WWOX: variants seen among roughly 807,000 people sequenced by gnomAD.
WWOX encodes the protein WW domain-containing oxidoreductase.
Under a neutral mutation model 46.2 loss-of-function variants are expected in WWOX, and 69 were observed. The ratio of observed to expected loss-of-function variants is 1.49; its 90% confidence interval spans 1.23 to 1.82. The LOEUF (loss-of-function observed/expected upper bound fraction) is 1.82, where lower values mean the gene tolerates loss of function less well. Ranked by LOEUF, WWOX falls within the 40% of genes most tolerant of loss-of-function variation. The pLI is 0.00. For missense variants in WWOX, 919 were observed against 542.6 expected (o/e 1.69, Z -6.89); for synonymous variants, 359 against 202.6 (o/e 1.77, Z -6.56).
At chr16:79,026,289 G>C (rs959042080) in intron 8 of WWOX, among the ~76,000 whole-genome samples, 2 of 151,622 alleles carry the variant, frequency 1.3e-5, no homozygotes, top group African/African-American at 4.9e-5. Flanking sequence ...ACTCCTGCCT[G>C]CCACAGGGCC....
intron 8 of WWOX, among the ~76,000 whole-genome samples, chr16:78,578,998 G>A (rs1304365010): frequency 6.6e-6 from 1 of 152,160 alleles, no homozygotes; most frequent in Non-Finnish European, 1.5e-5. Context: ...AGTAACATTA[G>A]TATTACATTA....
intron 8 of WWOX, among the ~76,000 whole-genome samples, chr16:79,046,236 C>G (rs972787244): frequency 6.6e-6 from 1 of 152,190 alleles, no homozygotes; most frequent in African/African-American, 2.4e-5. Flanking sequence ...AGTTCATTTT[C>G]TCTGCATTTG....
intron 5 of WWOX, among the ~76,000 whole-genome samples, chr16:78,274,911 C>T (rs987282757): frequency 6.6e-6 from 1 of 152,184 alleles, no homozygotes; most frequent in African/African-American, 2.4e-5. Context: ...ACATAACATT[C>T]TCAACAGTGG....
chr16:78,198,940 G>A lies in WWOX; in HGVS notation c.516+34651G>A, dbSNP rs537166518. ...CATAAGAAGAGGCTGTTTGTACCCT[G>A]ATCAATCCCTCTACCTCTTCTTTTC... is the stretch of plus-strand genomic sequence containing the variant. On this transcript the variant is annotated intron_variant, in intron 5 of 8. Coordinates refer to ENST00000566780, the MANE Select transcript of WWOX (RefSeq NM_016373.4). 9.9e-5 allele frequency among the ~76,000 whole-genome samples: 15 copies of A among 152,214 alleles called. 1 individual carries two copies. The highest frequency in any genetic ancestry group is 2.1e-4 in the Non-Finnish European group (14 of 68,002).
intron 5 of WWOX, among the ~76,000 whole-genome samples, chr16:78,384,685 G>A (rs2082023484): frequency 6.6e-6 from 1 of 152,128 alleles, no homozygotes; most frequent in Non-Finnish European, 1.5e-5. Flanking sequence ...TCAGGTTCAT[G>A]TTTCTCCTCC....
intron 8 of WWOX, among the ~76,000 whole-genome samples, chr16:78,489,129 C>T (rs1484387213): frequency 4.6e-5 from 7 of 152,288 alleles, no homozygotes; most frequent in African/African-American, 1.7e-4. Context: ...ATAGTGAAAG[C>T]AGGTTCTGTT....
At chr16:78,826,007 C>T (rs61287560) in intron 8 of WWOX, 12,183 of 593,966 alleles carry the variant, frequency 0.021, 1,167 homozygotes, top group African/African-American at 0.2. Context: ...CATAGCATAA[C>T]GGGCTGTCCT....
At chr16:79,061,049 A>G (rs1441196486) in intron 8 of WWOX, among the ~76,000 whole-genome samples, 1 of 152,302 alleles carries the variant, frequency 6.6e-6, no homozygotes, top group East Asian at 1.9e-4. Context: ...ATACACTCAC[A>G]TTCATACCAC....
At chr16:78,908,832 A>G (rs115443356) in intron 8 of WWOX, among the ~76,000 whole-genome samples, 2,331 of 152,308 alleles carry the variant, frequency 0.015, 65 homozygotes, top group African/African-American at 0.053. Flanking sequence ...CAGGGTCTGC[A>G]AAGTATCTAA....
Position 79,005,547 on chromosome 16 carries a change from G to A in WWOX, c.1057-206061G>A, listed in dbSNP as rs567789654. 3.3e-5 allele frequency among the ~76,000 whole-genome samples: 5 copies of A among 152,216 alleles called. No homozygotes were observed. The East Asian group carries it at 5.8e-4, about 18-fold the overall frequency. On this transcript the variant is annotated intron_variant, in intron 8 of 8. Transcript: ENST00000566780. ...GGGGGCGTCCTCTTTGCCTCTTCCCGGCCTGTAGGTATTTCCTGGCAACCT... is the reference window on the plus strand; with the variant it reads ...GGGGGCGTCCTCTTTGCCTCTTCCCAGCCTGTAGGTATTTCCTGGCAACCT...
chr16:78,831,476 C>T (rs1426674780), intron 8 of WWOX, among the ~76,000 whole-genome samples: 1 of 152,174 alleles, frequency 6.6e-6, no homozygotes, highest in Non-Finnish European at 1.5e-5. Context: ...GTGAGTTTAT[C>T]CTGTGGCTTT....
intron 8 of WWOX, among the ~76,000 whole-genome samples, chr16:78,944,559 C>T (rs963030134): frequency 1.3e-5 from 2 of 152,124 alleles, no homozygotes; most frequent in South Asian, 2.1e-4. Context: ...TCTTGAGTTT[C>T]GTACACATCT....
At chr16:78,115,306 T>G in intron 4 of WWOX, 152 bp downstream of exon 4, 1 of 981,864 alleles carries the variant, frequency 1.0e-6, no homozygotes, top group East Asian at 2.6e-5. Context: ...CTACCTCTTT[T>G]TAAATCCTAA....
intron 5 of WWOX, among the ~76,000 whole-genome samples, chr16:78,268,489 C>A (rs1036342191): frequency 3.3e-5 from 5 of 152,140 alleles, no homozygotes; most frequent in Admixed American, 3.3e-4. Flanking sequence ...GTAGCTCTTA[C>A]AATTATTTTA....
intron 8 of WWOX, among the ~76,000 whole-genome samples, chr16:78,486,104 G>A (rs192466235): frequency 7.2e-4 from 109 of 152,300 alleles, no homozygotes; most frequent in African/African-American, 2.5e-3. Context: ...GGGGTGTGTG[G>A]TGGTATGCCG....
At chr16:78,759,440 G>A (rs2049736757) in intron 8 of WWOX, among the ~76,000 whole-genome samples, 1 of 152,140 alleles carries the variant, frequency 6.6e-6, no homozygotes, top group African/African-American at 2.4e-5. Context: ...AGCCTGTTGA[G>A]TTAAAATAAG....
intron 8 of WWOX, among the ~76,000 whole-genome samples, chr16:78,714,608 C>T (rs976536104): frequency 3.3e-5 from 5 of 152,100 alleles, no homozygotes; most frequent in African/African-American, 4.8e-5. Context: ...GGCAAAAAGT[C>T]AGTTACTTAA....
intron 8 of WWOX, among the ~76,000 whole-genome samples, chr16:78,967,080 A>G (rs1231334828): frequency 6.6e-6 from 1 of 151,992 alleles, no homozygotes; most frequent in African/African-American, 2.4e-5. Context: ...CTCTTCTAGA[A>G]CTTTCCCCAT....
chr16:78,385,961 A>T (rs1224026880), intron 5 of WWOX, among the ~76,000 whole-genome samples: 8 of 152,216 alleles, frequency 5.3e-5, no homozygotes, highest in Non-Finnish European at 1.0e-4. Flanking sequence ...TGGGAGGGGC[A>T]ACCCGGAGAT....
Sources: gnomAD v4.1 joint callset for allele counts (sites outside exome capture counted in the v4.1 genomes callset) on GRCh38, gnomAD v4.1.1 for gene constraint, MANE v1.5 for transcripts, NCBI Gene and HGNC (gene_info 2026-07-23, HGNC 2026-07-21) for gene names.